Variants in IFT140 observed in about 807,000 individuals in gnomAD.
IFT140 encodes intraflagellar transport protein 140 homolog.
In IFT140, 133 loss-of-function variants were observed where a neutral mutation model predicts 164.6. The observed-to-expected ratio is 0.81, with a 90% CI of 0.70 to 0.93. The LOEUF (loss-of-function observed/expected upper bound fraction) is 0.93, where lower values mean the gene tolerates loss of function less well. IFT140 is among the 40% of genes least tolerant of loss of function. IFT140 has a pLI of 0.00. For synonymous variants in IFT140, 860 were observed against 817.3 expected, an observed-to-expected ratio of 1.05 and a Z score of -0.89; for missense variants, 2,045 against 1,972.3, an observed-to-expected ratio of 1.04 and a Z score of -0.70.
chr16:1,605,920 G>A (rs2036036750), intron 3 of IFT140, among the ~76,000 whole-genome samples: 1 of 152,230 alleles, frequency 6.6e-6, no homozygotes, highest in African/African-American at 2.4e-5. Context: ...GCAGGCCCTA[G>A]TTACATATGC....
chr16:1,542,170 G>A, intron 19 of IFT140: 5 of 1,344,704 alleles, frequency 3.7e-6, no homozygotes, highest in Non-Finnish European at 4.9e-6. Flanking sequence ...GGCCTGGGGG[G>A]AAGCTGCAGG....
chr16:1,523,641 T>C lies in IFT140; in HGVS notation c.3330A>G (p.Leu1110=). The change falls in exon 26 of 31, where the codon CTA becomes CTG. Residue 1110 remains leucine, a synonymous_variant. Transcript: ENST00000426508. ...LAFATQQFVA[L]QLIAEDLDET... is the part of the protein sequence containing the mutation. ...CATCCAGGTCCTCTGCTATGAGCTGTAGGGCCACAAACTGCTGGGTGGCAA... is the reference window on the plus strand; with the variant it reads ...CATCCAGGTCCTCTGCTATGAGCTGCAGGGCCACAAACTGCTGGGTGGCAA... The C allele has an allele frequency of 6.2e-7, 1 of 1,613,930 alleles. No individual in the cohort carries two copies.
chr16:1,562,167 A>C, intron 17 of IFT140, 51 bp from the exon 18 acceptor site: 1 of 1,494,274 alleles, frequency 6.7e-7, no homozygotes, highest in Non-Finnish European at 8.9e-7. Context: ...ACTTACATAA[A>C]TTTCTGGGGT....
chr16:1,537,933 C>T (rs1338444803), intron 19 of IFT140, among the ~76,000 whole-genome samples: 2 of 152,242 alleles, frequency 1.3e-5, no homozygotes, highest in Non-Finnish European at 2.9e-5. Flanking sequence ...GAGGACAGAG[C>T]TCCCGGGCTT....
intron 19 of IFT140, chr16:1,540,740 C>A: frequency 1.3e-6 from 1 of 751,104 alleles, no homozygotes; most frequent in Non-Finnish European, 1.6e-6. Context: ...CTGAAGAGTG[C>A]CCTGAAATTT....
chr16:1,534,612 G>C, intron 19 of IFT140: 2 of 1,593,260 alleles, frequency 1.3e-6, no homozygotes, highest in South Asian at 2.2e-5. Flanking sequence ...AGGGCACATG[G>C]GAGATGTTAG....
chr16:1,573,325 C>T (rs1395480812), intron 13 of IFT140, among the ~76,000 whole-genome samples: 2 of 152,106 alleles, frequency 1.3e-5, no homozygotes, highest in Non-Finnish European at 2.9e-5. Context: ...TCGGTGAGCT[C>T]ACTCCCTGCC....
intron 30 of IFT140, among the ~76,000 whole-genome samples, chr16:1,515,337 C>T (rs532949003): frequency 2.4e-4 from 36 of 152,298 alleles, no homozygotes; most frequent in African/African-American, 8.2e-4. Flanking sequence ...CAGCCCATAG[C>T]TGACTCTTCC....
chr16:1,544,001 C>T (rs1375639064), intron 19 of IFT140, among the ~76,000 whole-genome samples: 4 of 151,574 alleles, frequency 2.6e-5, no homozygotes, highest in Non-Finnish European at 5.9e-5. Context: ...TAAGATAACC[C>T]AATGGATCAC....
At chr16:1,528,279 C>A (rs1047089840) in intron 19 of IFT140, among the ~76,000 whole-genome samples, 2 of 152,114 alleles carry the variant, frequency 1.3e-5, no homozygotes, top group African/African-American at 4.8e-5. Flanking sequence ...GCCACACGCG[C>A]CTCCCCTACA....
chr16:1,583,338 A>G lies in IFT140; in HGVS notation c.1408T>C (p.Ser470Pro). Residue 470 changes from serine (S) to proline (P), a missense_variant, in exon 12 of 31, where the codon TCT (serine) becomes CCT (proline). Transcript: ENST00000426508. ...NGRQVAIFELSGAAIRSAGTF... is the reference protein window; with the variant it reads ...NGRQVAIFELPGAAIRSAGTF... ...CCTGCACTCCGTATCGCGGCTCCAG[A>G]AAGCTCGAAGATCGCCACCTGCCTT... The G allele has an allele frequency of 6.2e-7, 1 of 1,614,144 alleles. No homozygotes were observed. Among genetic ancestry groups the G allele is most frequent in the Non-Finnish European group, 8.5e-7 (1 of 1,180,014 alleles).
intron 19 of IFT140, among the ~76,000 whole-genome samples, chr16:1,544,671 T>G (rs192068259): frequency 6.6e-5 from 10 of 151,768 alleles, no homozygotes; most frequent in Admixed American, 5.9e-4. Context: ...TTTTTTGAGA[T>G]GGAGTCTCGC....
intron 30 of IFT140, among the ~76,000 whole-genome samples, chr16:1,515,065 A>G (rs923559724): frequency 2.0e-5 from 3 of 152,220 alleles, no homozygotes; most frequent in African/African-American, 4.8e-5. Flanking sequence ...AAAAAAGAAA[A>G]TAATGAGCAG....
At chr16:1,544,276 C>T (rs368675387) in intron 19 of IFT140, among the ~76,000 whole-genome samples, 23 of 151,712 alleles carry the variant, frequency 1.5e-4, no homozygotes, top group African/African-American at 5.1e-4. Flanking sequence ...CTCCACCTCC[C>T]GGGTTCACGC....
At chr16:1,562,587 C>T (rs573223649) in intron 17 of IFT140, among the ~76,000 whole-genome samples, 23 of 152,228 alleles carry the variant, frequency 1.5e-4, no homozygotes, top group African/African-American at 5.5e-4. Context: ...GCCTGGCCAA[C>T]GTGATGAAAC....
At chr16:1,524,125 C>T in intron 24 of IFT140, 169 bp from the exon 25 acceptor site, 3 of 863,866 alleles carry the variant, frequency 3.5e-6, no homozygotes, top group Non-Finnish European at 5.2e-6. Context: ...GGTTTGTCTA[C>T]AAGGATTTTC....
At chr16:1,573,068 AG>A (rs2034103377) in intron 13 of IFT140, among the ~76,000 whole-genome samples, 1 of 152,200 alleles carries the variant, frequency 6.6e-6, no homozygotes, top group Admixed American at 6.5e-5. Context: ...AAGCCAGCAA[AG>A]GGGCAGGAGC....
rs1445131538 is a variant in IFT140 at position 1,536,097 on chromosome 16, G to A, written c.2400-9301C>T. Among the ~76,000 whole-genome samples, 3 of 152,320 alleles carry A rather than the reference G, an allele frequency of 2.0e-5. No homozygotes were observed. The South Asian group carries it at 6.2e-4, about 32-fold the overall frequency. On this transcript the variant is annotated intron_variant, in intron 19 of 30. Transcript: ENST00000426508. ...GGCGTCCAGCCCACAGAGCACCCCC[G>A]GGGGAGGGAGTTCCCAGCCGGCCCT...
chr16:1,592,639 T>G (rs749073366), intron 4 of IFT140, 51 bp from the exon 5 acceptor site: 1 of 1,576,744 alleles, frequency 6.3e-7, no homozygotes, highest in South Asian at 1.2e-5. Flanking sequence ...GCAGAGCGAC[T>G]GGTGGAGGGA....
Sources: gnomAD v4.1 joint callset for allele counts (sites outside exome capture counted in the v4.1 genomes callset) on GRCh38, gnomAD v4.1.1 for gene constraint, MANE v1.5 for transcripts, NCBI Gene and HGNC (gene_info 2026-07-23, HGNC 2026-07-21) for gene names.